SLC17A4: variants seen among roughly 807,000 people sequenced by gnomAD.
SLC17A4 encodes the protein probable small intestine urate exporter.
SLC17A4 carries 33 observed loss-of-function variants against 52.5 expected under a neutral mutation model. The observed-to-expected ratio is 0.63, with a 90% confidence interval of 0.48 to 0.84. SLC17A4 has a LOEUF of 0.84. Among genes scored for constraint, SLC17A4 ranks in the 40% least tolerant of loss-of-function variants. The pLI is 0.00. For synonymous variants in SLC17A4, 225 were observed against 216.2 expected, an observed-to-expected ratio of 1.04 and a Z score of -0.36; for missense variants, 585 against 597.1, an observed-to-expected ratio of 0.98 and a Z score of 0.21.
intron 1 of SLC17A4, among the ~76,000 whole-genome samples, chr6:25,759,537 C>A (rs1042659437): frequency 2.0e-5 from 3 of 152,120 alleles, no homozygotes; most frequent in African/African-American, 7.2e-5. Flanking sequence ...CCTTTTGTTG[C>A]TATATAATGT....
At chr6:25,757,062 T>C (rs1761082977) in intron 1 of SLC17A4, among the ~76,000 whole-genome samples, 1 of 152,156 alleles carries the variant, frequency 6.6e-6, no homozygotes, top group South Asian at 2.1e-4. Context: ...TGCCAATGAG[T>C]ATTTGTTTGG....
At chr6:25,773,211 C>T in intron 6 of SLC17A4, 64 bp from the exon 7 acceptor site, 1 of 1,277,520 alleles carries the variant, frequency 7.8e-7, no homozygotes, top group Admixed American at 1.7e-5. Context: ...CAGGAATCAT[C>T]TTAGAGTCAA....
intron 1 of SLC17A4, among the ~76,000 whole-genome samples, chr6:25,758,797 T>G (rs1314099616): frequency 6.6e-6 from 1 of 152,326 alleles, no homozygotes; most frequent in East Asian, 1.9e-4. Flanking sequence ...AATTTCCACT[T>G]AGTTTTGCTC....
chr6:25,771,719 A>C (rs942576065), intron 6 of SLC17A4, among the ~76,000 whole-genome samples: 1 of 152,236 alleles, frequency 6.6e-6, no homozygotes, highest in Non-Finnish European at 1.5e-5. Context: ...TCATAGCTAG[A>C]AAATTGTGTG....
At chr6:25,764,663 C>T (rs1453153854) in intron 2 of SLC17A4, among the ~76,000 whole-genome samples, 1 of 152,174 alleles carries the variant, frequency 6.6e-6, no homozygotes, top group Non-Finnish European at 1.5e-5. Flanking sequence ...TTGTGCTCCT[C>T]AGCTTGGAGT....
Position 25,773,287 on chromosome 6 carries a change from G to C in SLC17A4, c.719G>C (p.Cys240Ser), listed in dbSNP as rs755086812. 1.2e-6 allele frequency: 2 copies of C among 1,613,760 alleles called. No homozygotes were observed. Among genetic ancestry groups the C allele is most frequent in the Non-Finnish European group, 1.7e-6 (2 of 1,179,682 alleles). ...CCCCTTTTCCTAGGAGGAATTGGCT[G>C]TGCTTGTTGTCCTCTCTGGTTTCCT... is the stretch of plus-strand genomic sequence containing the variant. Reference protein sequence around the residue: ...YVFYIFGGIGCACCPLWFPLI... With the variant: ...YVFYIFGGIGSACCPLWFPLI... Residue 240 changes from cysteine to serine, a missense_variant, in exon 7 of 12, where the codon TGT (cysteine) becomes TCT (serine). Transcript: ENST00000377905.
chr6:25,768,935 G>A, intron 2 of SLC17A4, 50 bp from the exon 3 acceptor site: 1 of 1,528,782 alleles, frequency 6.5e-7, no homozygotes, highest in Non-Finnish European at 9.1e-7. Flanking sequence ...CTTAGGGAGA[G>A]TGGGAGAAAA....
At chr6:25,759,583 G>A (rs560321812) in intron 1 of SLC17A4, among the ~76,000 whole-genome samples, 1 of 152,166 alleles carries the variant, frequency 6.6e-6, no homozygotes, top group Non-Finnish European at 1.5e-5. Context: ...TTGCTTATAA[G>A]TTTGTTTTGT....
rs929695848 is a variant in SLC17A4 at position 25,765,012 on chromosome 6, C to T, written c.91+2959C>T. Among the ~76,000 whole-genome samples the T allele has an allele frequency of 2.0e-5, 3 of 152,324 alleles. No homozygotes were observed. The East Asian group carries it at 5.8e-4, about 29-fold the overall frequency. Reference sequence around the variant, plus strand: ...CCCACCCCTGCCACCAGCCCACCCACATACACCACCACATTATAGCTGGGC... The same window carrying T: ...CCCACCCCTGCCACCAGCCCACCCATATACACCACCACATTATAGCTGGGC... On this transcript the variant is annotated intron_variant, in intron 2 of 11. Transcript: ENST00000377905.
intron 7 of SLC17A4, 26 bp from the exon 8 acceptor site, chr6:25,773,487 G>C: frequency 1.2e-6 from 2 of 1,613,374 alleles, no homozygotes; most frequent in Non-Finnish European, 1.7e-6. Flanking sequence ...CTGACGGAGG[G>C]GACATTGATG....
chr6:25,763,342 C>G (rs1483631021), intron 2 of SLC17A4, among the ~76,000 whole-genome samples: 1 of 152,208 alleles, frequency 6.6e-6, no homozygotes, highest in Non-Finnish European at 1.5e-5. Flanking sequence ...CCTAATAAGG[C>G]AGAACCCCAG....
At position 25,779,158 on chromosome 6, in the gene SLC17A4, G is replaced by T; in HGVS notation, c.1464G>T (p.Trp488Cys). 1 of 1,613,768 alleles carries T rather than the reference G, an allele frequency of 6.2e-7. No individual in the cohort carries two copies. Among genetic ancestry groups the T allele is most frequent in the Non-Finnish European group, 8.5e-7 (1 of 1,179,788 alleles). ...TTGGCCGAGCAGATGTGCAGGACTG[G>T]GCTAAAGAGCAGACATTCACCCACC... ...LIFGRADVQD[W>C]AKEQTFTHL Residue 488 changes from tryptophan (W) to cysteine (C), a missense_variant, in exon 12 of 12, where the codon TGG (tryptophan) becomes TGT (cysteine). Transcript: ENST00000377905.
At chr6:25,769,644 A>C (rs1937127) in intron 3 of SLC17A4, among the ~76,000 whole-genome samples, 45,295 of 151,976 alleles carry the variant, frequency 0.3, 7,717 homozygotes, top group East Asian at 0.74. Context: ...TACTTAGTGC[A>C]TATGAGTGTA....
Position 25,770,049 on chromosome 6 carries a change from ACT to A in SLC17A4, c.298-13_298-12del, listed in dbSNP as rs768962705. On this transcript the variant is annotated splice_polypyrimidine_tract_variant and intron_variant, in intron 3 of 11. Coordinates refer to ENST00000377905, the MANE Select transcript of SLC17A4 (RefSeq NM_005495.3). ...ATCCTTCAACTAAAGACAAACAGTA[ACT>A]CTCTTTGTCATCTAGGCCCCTGCAT... 1.7e-5 allele frequency: 27 copies of A among 1,602,062 alleles called. No individual in the cohort carries two copies. The East Asian group carries it at 5.8e-4, about 34-fold the overall frequency.
chr6:25,770,304 C>T lies in SLC17A4; in HGVS notation c.531+4C>T. On this transcript the variant is annotated splice_donor_region_variant and intron_variant, in intron 4 of 11. Transcript: ENST00000377905. ...GATTGTACAAGGCATAGCCCAGGTA[C>T]CAAGATGTTTTCCAGGTATAAGTGG... is the stretch of plus-strand genomic sequence containing the variant. 1.2e-6 allele frequency: 2 copies of T among 1,613,914 alleles called. No homozygotes were observed. The highest frequency in any genetic ancestry group is 1.7e-6 in the Non-Finnish European group (2 of 1,179,868).
intron 2 of SLC17A4, among the ~76,000 whole-genome samples, chr6:25,766,055 G>C (rs1483529467): frequency 6.7e-6 from 1 of 149,724 alleles, no homozygotes; most frequent in African/African-American, 2.5e-5. Context: ...TGATTTTCTA[G>C]GAATTATAAT....
intron 10 of SLC17A4, 35 bp from the exon 11 acceptor site, chr6:25,777,891 C>G (rs749628451): frequency 1.3e-6 from 2 of 1,559,150 alleles, no homozygotes; most frequent in Admixed American, 3.4e-5. Flanking sequence ...CGTAGGTATA[C>G]TTGGTTATAA....
At chr6:25,774,943 G>A (rs369902511) in intron 8 of SLC17A4, among the ~76,000 whole-genome samples, 5 of 152,172 alleles carry the variant, frequency 3.3e-5, no homozygotes, top group East Asian at 3.9e-4. Flanking sequence ...ATACAACAGA[G>A]GAGTCTCCTT....
At chr6:25,771,662 GTTA>G (rs1172089499) in intron 6 of SLC17A4, among the ~76,000 whole-genome samples, 4 of 152,086 alleles carry the variant, frequency 2.6e-5, no homozygotes, top group Non-Finnish European at 5.9e-5. Context: ...AATTTCTCCA[GTTA>G]TTATTATGGC....
Sources: gnomAD v4.1 joint callset for allele counts (sites outside exome capture counted in the v4.1 genomes callset) on GRCh38, gnomAD v4.1.1 for gene constraint, MANE v1.5 for transcripts, NCBI Gene and HGNC (gene_info 2026-07-23, HGNC 2026-07-21) for gene names.